MSRA: variants seen among roughly 807,000 people sequenced by gnomAD.
The protein encoded by MSRA is methionine sulfoxide reductase A.
Under a neutral mutation model 31.3 loss-of-function variants are expected in MSRA, and 54 were observed. The observed-to-expected ratio is 1.73, with a 90% CI of 1.39 to 2.17. The LOEUF is 2.17. Ranked by LOEUF, MSRA falls within the 30% of genes most tolerant of loss-of-function variation. The pLI, the probability that MSRA is intolerant of heterozygous loss-of-function variation, is 0.00. For synonymous variants in MSRA, 169 were observed against 116.5 expected (o/e 1.45, Z -2.90); for missense variants, 507 against 300.9 (o/e 1.69, Z -5.07).
intron 3 of MSRA, among the ~76,000 whole-genome samples, chr8:10,279,514 C>G (rs536011970): frequency 5.9e-5 from 9 of 152,178 alleles, no homozygotes; most frequent in Non-Finnish European, 1.3e-4. Context: ...CACCCTACCC[C>G]CCACACGCCT....
At chr8:10,097,204 G>A (rs1799217484) in intron 1 of MSRA, among the ~76,000 whole-genome samples, 1 of 152,136 alleles carries the variant, frequency 6.6e-6, no homozygotes, top group Non-Finnish European at 1.5e-5. Flanking sequence ...ATCTAACAGA[G>A]GTGTTTGAAC....
chr8:10,377,818 G>A (rs1805836717), intron 5 of MSRA, among the ~76,000 whole-genome samples: 1 of 152,194 alleles, frequency 6.6e-6, no homozygotes, highest in South Asian at 2.1e-4. Flanking sequence ...TGGGTGTGGA[G>A]GCAAGTGGGT....
intron 1 of MSRA, among the ~76,000 whole-genome samples, chr8:10,071,963 C>A (rs890637750): frequency 1.3e-5 from 2 of 152,144 alleles, no homozygotes; most frequent in African/African-American, 2.4e-5. Context: ...TATGGGTCCC[C>A]TGTGTCCAGG....
chr8:10,144,542 A>C (rs1269583238), intron 1 of MSRA, among the ~76,000 whole-genome samples: 1 of 152,198 alleles, frequency 6.6e-6, no homozygotes, highest in East Asian at 1.9e-4. Flanking sequence ...TATTCAAAAT[A>C]TATTCAAGAT....
At chr8:10,110,764 T>C (rs556777599) in intron 1 of MSRA, among the ~76,000 whole-genome samples, 1 of 152,336 alleles carries the variant, frequency 6.6e-6, no homozygotes, top group East Asian at 1.9e-4. Context: ...CTGCGATCTT[T>C]CTATCCATTA....
In MSRA at chr8:10,428,161, A is replaced by G. The variant is rs773628716; in HGVS notation, c.557A>G (p.His186Arg). 6.2e-7 allele frequency: 1 copy of G among 1,612,632 alleles called. No individual in the cohort carries two copies. The highest frequency in any genetic ancestry group is 1.3e-5 in the African/African-American group (1 of 74,776). Residue 186 changes from histidine to arginine, a missense_variant, in exon 6 of 6, where the codon CAC becomes CGC. Physicochemically the swap from His to Arg is conservative, Grantham distance 29. Coordinates refer to ENST00000317173, the MANE Select transcript of MSRA (RefSeq NM_012331.5). Reference protein sequence around the residue: ...KENYQKVLSEHGFGPITTDIR... With the variant: ...KENYQKVLSERGFGPITTDIR... Reference sequence around the variant, plus strand: ...GTGTCCCCACAGGTTCTTTCAGAGCACGGCTTCGGCCCCATCACTACCGAC... The same window carrying G: ...GTGTCCCCACAGGTTCTTTCAGAGCGCGGCTTCGGCCCCATCACTACCGAC...
In MSRA at chr8:10,355,677, G is replaced by A. The variant is rs149028034; in HGVS notation, c.543+35688G>A. Among the ~76,000 whole-genome samples the A allele has an allele frequency of 3.3e-3, 497 of 152,272 alleles. 2 individuals carry two copies. Among genetic ancestry groups the A allele is most frequent in the African/African-American group, 0.011 (466 of 41,558 alleles). On this transcript the variant is annotated intron_variant, in intron 5 of 5. Coordinates refer to ENST00000317173, the MANE Select transcript of MSRA (RefSeq NM_012331.5). ...GTGGTAGCTTCTGAATGTCCTGGCT[G>A]CTGGGATCCTAGTAGCTTTCCTGGG... is the stretch of plus-strand genomic sequence containing the variant.
chr8:10,280,409 T>C (rs1172176300), intron 3 of MSRA, among the ~76,000 whole-genome samples: 2 of 152,202 alleles, frequency 1.3e-5, no homozygotes, highest in African/African-American at 4.8e-5. Context: ...CCAATCGTTT[T>C]GATAGTAGCA....
At position 10,236,099 on chromosome 8, in the gene MSRA, A is replaced by C. The variant is rs538972515; in HGVS notation, c.212-9005A>C. ...ACTCATGCATGATAAAAAGCTTTTC[A>C]AAGTAAGAATGGAAGGAAACTTTCT... On this transcript the variant is annotated intron_variant, in intron 2 of 5. Transcript: ENST00000317173. 1.3e-3 allele frequency among the ~76,000 whole-genome samples: 205 copies of C among 152,298 alleles called. 1 individual carries two copies. In the Middle Eastern group the frequency reaches 0.017, roughly 13 times the overall value.
intron 1 of MSRA, among the ~76,000 whole-genome samples, chr8:10,060,525 T>C (rs1304431516): frequency 1.3e-5 from 2 of 152,240 alleles, no homozygotes; most frequent in Non-Finnish European, 2.9e-5. Context: ...AACTTGCTTC[T>C]TGTAATGTGA....
chr8:10,344,419 C>G (rs977368897), intron 5 of MSRA, among the ~76,000 whole-genome samples: 1 of 151,452 alleles, frequency 6.6e-6, no homozygotes, highest in African/African-American at 2.4e-5. Context: ...ACTAAAAATA[C>G]AAAAATTAGA....
intron 2 of MSRA, among the ~76,000 whole-genome samples, chr8:10,235,872 T>G (rs1385887546): frequency 1.3e-5 from 2 of 152,158 alleles, no homozygotes; most frequent in African/African-American, 4.8e-5. Context: ...AAAGTTATAA[T>G]AAATCTTCAT....
chr8:10,144,689 C>G (rs893205509), intron 1 of MSRA, among the ~76,000 whole-genome samples: 2 of 145,322 alleles, frequency 1.4e-5, no homozygotes, highest in Non-Finnish European at 3.0e-5. Flanking sequence ...TAAATTAATT[C>G]TGCAGCATCC....
chr8:10,116,039 G>C (rs1002011896), intron 1 of MSRA, among the ~76,000 whole-genome samples: 4 of 152,178 alleles, frequency 2.6e-5, no homozygotes, highest in African/African-American at 9.7e-5. Flanking sequence ...TGGAACCACT[G>C]CTCTGAGTTG....
intron 1 of MSRA, among the ~76,000 whole-genome samples, chr8:10,195,511 G>A (rs1807894124): frequency 6.6e-6 from 1 of 152,182 alleles, no homozygotes; most frequent in Admixed American, 6.5e-5. Flanking sequence ...CAAGTGCTAG[G>A]ATTACAGGTG....
At chr8:10,392,680 CT>C (rs55916396) in intron 5 of MSRA, among the ~76,000 whole-genome samples, 97,164 of 143,312 alleles carry the variant, frequency 0.68, 35,876 homozygotes, top group Non-Finnish European at 0.86. Flanking sequence ...CCTCTCGGCC[CT>C]TTTTTTTTTT....
At chr8:10,101,599 G>C (rs1293544155) in intron 1 of MSRA, among the ~76,000 whole-genome samples, 1 of 152,134 alleles carries the variant, frequency 6.6e-6, no homozygotes, top group Non-Finnish European at 1.5e-5. Context: ...CTATGAATTT[G>C]ACTACTTCAG....
At chr8:10,074,803 C>T (rs962584082) in intron 1 of MSRA, among the ~76,000 whole-genome samples, 2 of 152,112 alleles carry the variant, frequency 1.3e-5, no homozygotes, top group Admixed American at 6.6e-5. Flanking sequence ...AGGTTACAGG[C>T]ACCTACCACC....
Position 10,402,057 on chromosome 8 carries a change from A to G in MSRA, c.544-26091A>G, listed in dbSNP as rs189651823. Among the ~76,000 whole-genome samples, 11 of 152,338 alleles carry G rather than the reference A, an allele frequency of 7.2e-5. No homozygotes were observed. In the East Asian group the frequency reaches 1.9e-3, roughly 27 times the overall value. ...CCTAAAATAGTAAATATTATGTTAC[A>G]TATATTTTACCATAATAGAAAAAAA... On this transcript the variant is annotated intron_variant, in intron 5 of 5. Coordinates refer to ENST00000317173, the MANE Select transcript of MSRA (RefSeq NM_012331.5).
Sources: allele counts gnomAD v4.1 joint callset (sites outside exome capture counted in the v4.1 genomes callset), GRCh38; gene constraint gnomAD v4.1.1; transcripts MANE v1.5; gene names NCBI Gene and HGNC (gene_info 2026-07-23, HGNC 2026-07-21).